Variants in CHD6 observed in about 807,000 individuals in gnomAD.
The protein encoded by CHD6 is ATP-dependent chromatin remodeler CHD6.
Under a neutral mutation model 276.9 loss-of-function variants are expected in CHD6, and 50 were observed. The observed-to-expected ratio is 0.18, with a 90% confidence interval of 0.14 to 0.23. The LOEUF is 0.23. Ranked by LOEUF, CHD6 falls within the 10% of genes least tolerant of loss-of-function variation. The probability of loss-of-function intolerance (pLI) is 1.00; values close to 1 mark genes in which losing one functional copy is unlikely to be tolerated. For missense variants in CHD6, 2,564 were observed against 3,365.8 expected (o/e 0.76, Z 5.89); for synonymous variants, 1,173 against 1,229.3 (o/e 0.95, Z 0.96).
Position 41,483,457 on chromosome 20 carries a change from G to C in CHD6, c.2320C>G (p.Gln774Glu). 6.2e-7 allele frequency: 1 copy of C among 1,613,728 alleles called. No homozygotes were observed. Among genetic ancestry groups the C allele is most frequent in the Non-Finnish European group, 8.5e-7 (1 of 1,179,838 alleles). The stretch of plus-strand genomic sequence containing the variant: ...GCTGCCTGAATCATGGCCTGCAGCT[G>C]AAAGTCAGGGGCATCAGGGCTGTGG... ...KTHSPDAPDF[Q>E]LQAMIQAAGK... The change falls in exon 16 of 37, where the codon CAG becomes GAG. Residue 774 changes from glutamine to glutamate, a missense_variant. Physicochemically the swap from Gln to Glu is conservative, Grantham distance 29 (BLOSUM62 2). Transcript: ENST00000373233.
Position 41,487,833 on chromosome 20 carries a change from G to A in CHD6, c.1858-25C>T. ...CCTGCGCAAATTAAACATACATGAT[G>A]GACAGTGCTTGAGCCATCAAAATAG... On this transcript the variant is annotated intron_variant, in intron 13 of 36. Coordinates refer to ENST00000373233, the MANE Select transcript of CHD6 (RefSeq NM_032221.5). 1.9e-6 allele frequency: 3 copies of A among 1,603,326 alleles called. No homozygotes were observed. The South Asian group carries it at 3.4e-5, about 18-fold the overall frequency.
rs771672814 is a variant in CHD6, at chr20:41,421,764, T to G, written c.4871A>C (p.Gln1624Pro). The G allele has an allele frequency of 7.2e-5, 116 of 1,614,216 alleles. No individual in the cohort carries two copies. The East Asian group carries it at 2.5e-3, about 35-fold the overall frequency. ...NYAQHKRSGT[Q>P]APGNLCCLYQ... The stretch of plus-strand genomic sequence containing the variant: ...AAGGCAACAGAGATTTCCTGGTGCC[T>G]GGGTGCCAGATCTTTTATGCTGGGC... The change falls in exon 31 of 37, where the codon CAG becomes CCG. Residue 1624 changes from glutamine to proline, a missense_variant. Around this residue, in one of 7 missense-constraint regions of CHD6, gnomAD observed 1,024 missense variants for 1,047.9 expected, o/e 0.98. Transcript: ENST00000373233.
At chr20:41,610,149 GC>G (rs1231633998) in intron 1 of CHD6, among the ~76,000 whole-genome samples, 5 of 152,064 alleles carry the variant, frequency 3.3e-5, no homozygotes, top group Non-Finnish European at 7.4e-5. Context: ...AGCCATTGGT[GC>G]CCGGCCTATG....
Position 41,404,329 on chromosome 20 carries a change from T to C in CHD6, c.*264A>G. On this transcript the variant is annotated 3_prime_UTR_variant, in exon 37 of 37. Coordinates refer to ENST00000373233, the MANE Select transcript of CHD6 (RefSeq NM_032221.5). The stretch of plus-strand genomic sequence containing the variant: ...GGGGGTAGGGCGTGTCACCAAGTAC[T>C]GTATTAACTATGATTGCTGGAATGA... The C allele has an allele frequency of 8.5e-7, 1 of 1,176,310 alleles. No individual in the cohort carries two copies. 72.9% of individuals were successfully genotyped at this position (1,176,310 alleles called of 1,614,324 possible). A position where few individuals can be genotyped will look rare whatever the true frequency, so the allele number is the denominator to read the frequency against.
intron 27 of CHD6, among the ~76,000 whole-genome samples, chr20:41,433,786 T>C (rs1253593984): frequency 1.3e-5 from 2 of 152,134 alleles, no homozygotes; most frequent in Non-Finnish European, 2.9e-5. Context: ...TGATAAGAAA[T>C]GGTTAAGACA....
chr20:41,467,595 GT>G, intron 17 of CHD6, among the ~76,000 whole-genome samples: 1 of 145,972 alleles, frequency 6.9e-6, no homozygotes, highest in Non-Finnish European at 1.5e-5. Context: ...AAGGCTGGGT[GT>G]TGTGGCTCTC....
intron 6 of CHD6, among the ~76,000 whole-genome samples, chr20:41,498,898 C>T (rs2043760964): frequency 6.6e-6 from 1 of 151,270 alleles, no homozygotes; most frequent in Non-Finnish European, 1.5e-5. Context: ...TGGTCTTGAA[C>T]TACTGGGCTC....
intron 17 of CHD6, among the ~76,000 whole-genome samples, chr20:41,458,907 G>C (rs1241972086): frequency 1.3e-5 from 2 of 152,096 alleles, no homozygotes; most frequent in African/African-American, 4.8e-5. Context: ...CCTTATCTTG[G>C]CCCAGAGCAG....
Position 41,402,192 on chromosome 20 carries a change from T to A in CHD6, c.*2401A>T. On this transcript the variant is annotated 3_prime_UTR_variant, in exon 37 of 37. Coordinates refer to ENST00000373233, the MANE Select transcript of CHD6 (RefSeq NM_032221.5). ...AGGAAAGTTATGGCCGTGAGTGACA[T>A]GGAATTAGATGAAAAGGCTCAAGTT... 4.6e-6 allele frequency: 1 copy of A among 215,152 alleles called. No individual in the cohort carries two copies. The highest frequency in any genetic ancestry group is 6.9e-5 in the East Asian group (1 of 14,440). The allele number at this position is 215,152 out of a possible 1,614,324, so 13.3% of individuals were successfully genotyped here.
In CHD6 at chr20:41,591,667, T is replaced by G. The variant is rs142492546; in HGVS notation, c.-24+26673A>C. Among the ~76,000 whole-genome samples, 842 of 152,218 alleles carry G rather than the reference T, an allele frequency of 5.5e-3. 8 individuals carry two copies. The highest frequency in any genetic ancestry group is 0.024 in the Middle Eastern group (7 of 294). On this transcript the variant is annotated intron_variant, in intron 1 of 36. Transcript: ENST00000373233. ...AAGATTGCACCATTGCACTCCAGCC[T>G]GGGCAACAAGAATGAAACTCCAAAT...
chr20:41,541,624 T>C (rs1424104055), intron 2 of CHD6, among the ~76,000 whole-genome samples: 2 of 151,948 alleles, frequency 1.3e-5, no homozygotes, highest in Non-Finnish European at 2.9e-5. Flanking sequence ...GTGAGATAAG[T>C]GAAGTTGGTG....
At chr20:41,599,954 A>G (rs2146283541) in intron 1 of CHD6, among the ~76,000 whole-genome samples, 1 of 152,338 alleles carries the variant, frequency 6.6e-6, no homozygotes, top group Middle Eastern at 3.4e-3. Flanking sequence ...AACAGGAACT[A>G]TATAGGGATT....
chr20:41,558,105 C>A (rs754099507), intron 1 of CHD6, among the ~76,000 whole-genome samples: 3 of 152,160 alleles, frequency 2.0e-5, no homozygotes, highest in Non-Finnish European at 2.9e-5. Flanking sequence ...CTCCTGACCT[C>A]GGAGGCAGTC....
intron 2 of CHD6, among the ~76,000 whole-genome samples, chr20:41,548,128 C>A (rs1280179014): frequency 6.6e-6 from 1 of 152,226 alleles, no homozygotes; most frequent in Non-Finnish European, 1.5e-5. Context: ...ACTTGAACAT[C>A]ATTTTCTATT....
intron 36 of CHD6, among the ~76,000 whole-genome samples, 195 bp from the exon 37 acceptor site, chr20:41,405,684 T>C (rs1260859282): frequency 6.6e-6 from 1 of 152,236 alleles, no homozygotes; most frequent in African/African-American, 2.4e-5. Flanking sequence ...CCTCAGCAGC[T>C]GAGAACATTT....
At chr20:41,536,701 C>T (rs892343292) in intron 2 of CHD6, among the ~76,000 whole-genome samples, 4 of 152,116 alleles carry the variant, frequency 2.6e-5, no homozygotes, top group African/African-American at 7.2e-5. Flanking sequence ...AATTTCAGTA[C>T]ATCAGGTTAA....
In CHD6 at chr20:41,417,220, T is replaced by A. The variant is rs374391256; in HGVS notation, c.6257A>T (p.Tyr2086Phe). The change falls in exon 32 of 37, where the codon TAT becomes TTT. Residue 2086 changes from tyrosine to phenylalanine, a missense_variant. Tyr to Phe is a conservative substitution (Grantham distance 22). Transcript: ENST00000373233. ...IAQLLQEKTL[Y>F]SFSEWPKDRV... The stretch of plus-strand genomic sequence containing the variant: ...TACCTTTGGCCACTCAGAGAAGGAA[T>A]AGAGAGTTTTCTCCTGTAGCAGCTG... The A allele has an allele frequency of 1.9e-6, 3 of 1,613,850 alleles. No individual in the cohort carries two copies. Among genetic ancestry groups the A allele is most frequent in the African/African-American group, 1.3e-5 (1 of 74,924 alleles).
chr20:41,547,540 A>G (rs577959135), intron 2 of CHD6: 151 of 469,394 alleles, frequency 3.2e-4, no homozygotes, highest in Middle Eastern at 2.9e-3. Context: ...CTGTCTCCCA[A>G]AAAGGTTGAT....
chr20:41,405,013 A>G lies in CHD6; in HGVS notation c.7728T>C (p.His2576=). The part of the protein sequence containing the change: ...EKTAEDKPSS[H]DVKTDTLAED... ...CAGCTAAAGTGTCTGTTTTCACATCATGGCTACTCGGCTTGTCTTCCGCAG... is the reference window on the plus strand; with the variant it reads ...CAGCTAAAGTGTCTGTTTTCACATCGTGGCTACTCGGCTTGTCTTCCGCAG... Residue 2576 remains histidine, a synonymous_variant, in exon 37 of 37, where the codon CAT becomes CAC. Coordinates refer to ENST00000373233, the MANE Select transcript of CHD6 (RefSeq NM_032221.5). 4 of 1,614,246 alleles carry G rather than the reference A, an allele frequency of 2.5e-6. No homozygotes were observed. In the African/African-American group the frequency reaches 4.0e-5, roughly 16 times the overall value.
Sources: allele counts gnomAD v4.1 joint callset (sites outside exome capture counted in the v4.1 genomes callset), GRCh38; gene constraint gnomAD v4.1.1; regional missense constraint gnomAD v4.1.1; transcripts MANE v1.5; gene names NCBI Gene and HGNC (gene_info 2026-07-23, HGNC 2026-07-21).